Variants in NPAS3 observed in about 807,000 individuals in gnomAD.
NPAS3 encodes neuronal PAS domain-containing protein 3.
A neutral mutation model predicts 73.1 loss-of-function variants in NPAS3; 14 were observed. The observed-to-expected ratio is 0.19, with a 90% CI of 0.13 to 0.30. NPAS3 has a LOEUF of 0.30. Ranked by LOEUF, NPAS3 falls within the 10% of genes least tolerant of loss-of-function variation. NPAS3 has a pLI of 1.00. For missense variants in NPAS3, 1,096 were observed against 1,250.0 expected (o/e 0.88, Z 1.86); for synonymous variants, 620 against 541.5 (o/e 1.14, Z -2.01).
chr14:33,074,350 C>G (rs547067690), intron 2 of NPAS3, among the ~76,000 whole-genome samples: 9 of 152,188 alleles, frequency 5.9e-5, no homozygotes, highest in Non-Finnish European at 1.2e-4. Context: ...TGAATGCTGC[C>G]TGTGCATTAA....
intron 5 of NPAS3, among the ~76,000 whole-genome samples, chr14:33,619,270 T>G (rs556937573): frequency 3.9e-5 from 6 of 152,290 alleles, no homozygotes; most frequent in African/African-American, 1.4e-4. Flanking sequence ...CCTATGAAAT[T>G]TACTGTGAAA....
In NPAS3 at chr14:33,041,012, C is replaced by T. The variant is rs184843746; in HGVS notation, c.51-14893C>T. 1.9e-3 allele frequency among the ~76,000 whole-genome samples: 283 copies of T among 152,182 alleles called. 2 individuals are homozygous for T. Among genetic ancestry groups the T allele is most frequent in the African/African-American group, 6.2e-3 (258 of 41,524 alleles). On this transcript the variant is annotated intron_variant, in intron 1 of 11. Transcript: ENST00000356141. ...AGTTTGTCAAGGCTGCACTGTACTA[C>T]GTGGCAGAACTAAAACTAAAACTGA...
At chr14:33,559,251 G>A (rs2055516268) in intron 4 of NPAS3, among the ~76,000 whole-genome samples, 1 of 152,096 alleles carries the variant, frequency 6.6e-6, no homozygotes, top group Admixed American at 6.5e-5. Flanking sequence ...TGCAAAACAG[G>A]ATTACAGTTT....
chr14:33,423,667 T>C (rs775477238), intron 4 of NPAS3, among the ~76,000 whole-genome samples: 3 of 151,956 alleles, frequency 2.0e-5, no homozygotes, highest in Admixed American at 2.0e-4. Context: ...GAGAGATTCA[T>C]TGGGAACAAG....
chr14:33,494,258 A>G (rs1427532578), intron 4 of NPAS3, among the ~76,000 whole-genome samples: 3 of 152,142 alleles, frequency 2.0e-5, no homozygotes, highest in Non-Finnish European at 4.4e-5. Context: ...TTAGAGAAAC[A>G]TTTAAAGTTG....
chr14:33,555,065 C>T (rs1269377158), intron 4 of NPAS3, among the ~76,000 whole-genome samples: 1 of 149,698 alleles, frequency 6.7e-6, no homozygotes, highest in Non-Finnish European at 1.5e-5. Context: ...AGCCTCACTT[C>T]TTGCATGTGT....
At chr14:33,166,733 T>A (rs942055079) in intron 2 of NPAS3, among the ~76,000 whole-genome samples, 22 of 152,118 alleles carry the variant, frequency 1.4e-4, no homozygotes, top group South Asian at 6.2e-4. Flanking sequence ...GAATGGCAAA[T>A]GGGATGAGAT....
intron 5 of NPAS3, among the ~76,000 whole-genome samples, chr14:33,569,103 T>C (rs2056096890): frequency 6.6e-6 from 1 of 152,224 alleles, no homozygotes; most frequent in Non-Finnish European, 1.5e-5. Context: ...ATATAAATAA[T>C]TTCCAAAATG....
chr14:33,390,800 T>C (rs745325556), intron 4 of NPAS3, among the ~76,000 whole-genome samples: 6 of 152,214 alleles, frequency 3.9e-5, no homozygotes, highest in Non-Finnish European at 8.8e-5. Context: ...TCTATAGTTA[T>C]ATTAAGAAAA....
At chr14:33,174,429 T>A (rs1388544413) in intron 2 of NPAS3, among the ~76,000 whole-genome samples, 1 of 152,250 alleles carries the variant, frequency 6.6e-6, no homozygotes, top group Non-Finnish European at 1.5e-5. Context: ...TGGAATGATT[T>A]TGAAAATAGT....
intron 2 of NPAS3, among the ~76,000 whole-genome samples, chr14:33,125,477 T>G (rs1236854671): frequency 6.6e-6 from 1 of 152,078 alleles, no homozygotes; most frequent in Non-Finnish European, 1.5e-5. Flanking sequence ...GTTAAGGATA[T>G]AGAGGCAACA....
chr14:33,078,691 G>A (rs887639115), intron 2 of NPAS3, among the ~76,000 whole-genome samples: 1 of 152,182 alleles, frequency 6.6e-6, no homozygotes, highest in Non-Finnish European at 1.5e-5. Context: ...CACAATTGAT[G>A]TAATATTAAG....
intron 2 of NPAS3, among the ~76,000 whole-genome samples, chr14:33,069,083 A>AG (rs879842979): frequency 2.6e-5 from 4 of 152,180 alleles, no homozygotes; most frequent in Admixed American, 6.5e-5. Flanking sequence ...CAGGGGGCTG[A>AG]GGGTGGAAGC....
At chr14:33,653,471 GC>G in intron 5 of NPAS3, among the ~76,000 whole-genome samples, 1 of 152,356 alleles carries the variant, frequency 6.6e-6, no homozygotes, top group African/African-American at 2.4e-5. Flanking sequence ...GCTGGGAACA[GC>G]TTTTGTGATC....
chr14:33,395,193 G>A (rs1017119194), intron 4 of NPAS3, among the ~76,000 whole-genome samples: 2 of 152,122 alleles, frequency 1.3e-5, no homozygotes, highest in Non-Finnish European at 2.9e-5. Context: ...AGGGTCATAT[G>A]AAGAGTTATT....
intron 5 of NPAS3, among the ~76,000 whole-genome samples, chr14:33,561,907 T>C (rs2055668014): frequency 1.3e-5 from 2 of 152,250 alleles, no homozygotes; most frequent in Non-Finnish European, 2.9e-5. Context: ...TCAAGGCAAC[T>C]GCATTTTCTG....
chr14:33,584,199 A>G (rs2056779394), intron 5 of NPAS3, among the ~76,000 whole-genome samples: 1 of 152,210 alleles, frequency 6.6e-6, no homozygotes, highest in Non-Finnish European at 1.5e-5. Flanking sequence ...TAAGCAAAGT[A>G]CATATATTAC....
chr14:33,056,121 C>A (rs11412096), intron 2 of NPAS3, 127 bp downstream of exon 2: 9 of 483,690 alleles, frequency 1.9e-5, no homozygotes, highest in South Asian at 9.8e-5. Context: ...GAAAAAAAAA[C>A]AAAAAAACAA....
rs145271945 is a variant in NPAS3 at position 33,514,433 on chromosome 14, A to T, written c.469-45688A>T. 5.2e-3 allele frequency among the ~76,000 whole-genome samples: 791 copies of T among 152,106 alleles called. 3 individuals are homozygous for T. Among genetic ancestry groups the T allele is most frequent in the African/African-American group, 0.017 (721 of 41,532 alleles). ...CTGCTTTGCACTTAGACTGATTTGGATATATAACCTTTACCAAGACGATTG... is the reference window on the plus strand; with the variant it reads ...CTGCTTTGCACTTAGACTGATTTGGTTATATAACCTTTACCAAGACGATTG... On this transcript the variant is annotated intron_variant, in intron 4 of 11. Transcript: ENST00000356141.
Sources: allele counts gnomAD v4.1 joint callset (sites outside exome capture counted in the v4.1 genomes callset), GRCh38; gene constraint gnomAD v4.1.1; transcripts MANE v1.5; gene names NCBI Gene and HGNC (gene_info 2026-07-23, HGNC 2026-07-21).